The following SEPTIN9 variants were observed in gnomAD, a reference collection of about 807,000 sequenced individuals.
SEPTIN9 encodes septin 9, also known as septin-9.
SEPTIN9 carries 13 observed loss-of-function variants against 56.6 expected under a neutral mutation model. The observed-to-expected ratio is 0.23, with a 90% confidence interval of 0.15 to 0.37. The LOEUF is 0.37. SEPTIN9 is among the 10% of genes least tolerant of loss of function. The pLI, the probability that SEPTIN9 is intolerant of heterozygous loss-of-function variation, is 1.00. For missense variants in SEPTIN9, 650 were observed against 823.1 expected (o/e 0.79, Z 2.57); for synonymous variants, 332 against 334.1 (o/e 0.99, Z 0.07).
chr17:77,435,238 C>A lies in SEPTIN9; in HGVS notation c.721+32535C>A, dbSNP rs897802125. On this transcript the variant is annotated intron_variant, in intron 3 of 11. Coordinates refer to ENST00000427177, the MANE Select transcript of SEPTIN9 (RefSeq NM_001113491.2). This position sits in a 1 kb window ranked among gnomAD's most constrained non-coding sequence, Gnocchi z 4.5. ...AAGTCTGGCTTCAGTGCCCCCATCCCTAACCACTGTCATTTACCTCTTCGG... is the reference window on the plus strand; with the variant it reads ...AAGTCTGGCTTCAGTGCCCCCATCCATAACCACTGTCATTTACCTCTTCGG... 2.0e-5 allele frequency among the ~76,000 whole-genome samples: 3 copies of A among 152,166 alleles called. No homozygotes were observed. The highest frequency in any genetic ancestry group is 4.4e-5 in the Non-Finnish European group (3 of 68,018).
chr17:77,340,874 A>C (rs1012931696), intron 2 of SEPTIN9, among the ~76,000 whole-genome samples: 21 of 152,276 alleles, frequency 1.4e-4, no homozygotes, highest in African/African-American at 4.3e-4. Context: ...CTTTCCTTAA[A>C]CTTCATGACC....
At chr17:77,356,089 A>G (rs2034227502) in intron 2 of SEPTIN9, among the ~76,000 whole-genome samples, 1 of 152,006 alleles carries the variant, frequency 6.6e-6, no homozygotes, top group Admixed American at 6.6e-5. Flanking sequence ...CTAGACCCGG[A>G]CATAAACGCC....
At chr17:77,301,633 G>C (rs962028858) in intron 1 of SEPTIN9, among the ~76,000 whole-genome samples, 4 of 152,028 alleles carry the variant, frequency 2.6e-5, no homozygotes, top group Middle Eastern at 3.2e-3. Flanking sequence ...GGCTGATCTC[G>C]AACTCCGGAC....
In SEPTIN9 at chr17:77,330,720, G is replaced by A. The variant is rs572615085; in HGVS notation, c.76+23523G>A. Among the ~76,000 whole-genome samples the A allele has an allele frequency of 1.3e-5, 2 of 152,360 alleles. No homozygotes were observed. The highest frequency in any genetic ancestry group is 4.1e-4 in the South Asian group (2 of 4,826). ...AGAGCACATGGCTTGACCATCACGGGGACTGGGGGAGAGGCACAGGCATGC... is the reference window on the plus strand; with the variant it reads ...AGAGCACATGGCTTGACCATCACGGAGACTGGGGGAGAGGCACAGGCATGC... On this transcript the variant is annotated intron_variant, in intron 2 of 11. Transcript: ENST00000427177. The surrounding 1 kb of genome is among the most constrained non-coding windows in gnomAD (Gnocchi z 4.4).
intron 3 of SEPTIN9, chr17:77,472,689 T>C (rs913716902): frequency 2.0e-5 from 3 of 152,242 alleles, no homozygotes; most frequent in African/African-American, 7.2e-5. Flanking sequence ...GCCATTGTGC[T>C]CGATTTCTAA....
rs770711665 is a variant in SEPTIN9 at position 77,429,304 on chromosome 17, C to T, written c.721+26601C>T. ...GTGCCGATGCCGTCAGCACGCAGGC[C>T]TCCTGCCCTCGCCACGACTGGCTCC... On this transcript the variant is annotated intron_variant, in intron 3 of 11. Transcript: ENST00000427177. This position sits in a 1 kb window ranked among gnomAD's most constrained non-coding sequence, Gnocchi z 5.2. The T allele has an allele frequency of 7.0e-5, 33 of 470,480 alleles. 2 individuals are homozygous for T. Among genetic ancestry groups the T allele is most frequent in the South Asian group, 5.1e-4 (33 of 64,540 alleles). 29.1% of individuals were successfully genotyped at this position (470,480 alleles called of 1,614,324 possible).
chr17:77,481,401 G>T (rs1413645292), intron 3 of SEPTIN9, among the ~76,000 whole-genome samples: 1 of 127,670 alleles, frequency 7.8e-6, no homozygotes, highest in Non-Finnish European at 1.7e-5. Flanking sequence ...TGTGGTGCAG[G>T]GGCCCCCCTC....
intron 2 of SEPTIN9, among the ~76,000 whole-genome samples, chr17:77,352,941 G>A (rs1334094818): frequency 6.6e-6 from 1 of 152,150 alleles, no homozygotes; most frequent in Non-Finnish European, 1.5e-5. Context: ...GAGCTGCTGT[G>A]CCCAGCCTAC....
At position 77,476,468 on chromosome 17, in the gene SEPTIN9, T is replaced by C. The variant is rs1164420544; in HGVS notation, c.722-5676T>C. Among the ~76,000 whole-genome samples, 2 of 152,236 alleles carry C rather than the reference T, an allele frequency of 1.3e-5. No individual in the cohort carries two copies. The highest frequency in any genetic ancestry group is 4.8e-5 in the African/African-American group (2 of 41,452). On this transcript the variant is annotated intron_variant, in intron 3 of 11. Coordinates refer to ENST00000427177, the MANE Select transcript of SEPTIN9 (RefSeq NM_001113491.2). This position sits in a 1 kb window ranked among gnomAD's most constrained non-coding sequence, Gnocchi z 6.0. ...AAGAATTTGTCACTAAGTGCAGATG[T>C]TCCCAGAGGGTGCTGGCTCAGGGCT...
intron 1 of SEPTIN9, chr17:77,287,902 C>A (rs1483373869): frequency 5.8e-6 from 6 of 1,038,750 alleles, no homozygotes; most frequent in Non-Finnish European, 5.8e-6. Flanking sequence ...CTGGGCGGCC[C>A]TTAGACCCAG....
chr17:77,425,327 T>C lies in SEPTIN9; in HGVS notation c.721+22624T>C, dbSNP rs2036863293. Among the ~76,000 whole-genome samples the C allele has an allele frequency of 6.6e-6, 1 of 152,088 alleles. No individual in the cohort carries two copies. The highest frequency in any genetic ancestry group is 6.5e-5 in the Admixed American group (1 of 15,280). ...TTGCAAGCTGGACTCCCCAGATCTG[T>C]GGCTGTGGGGCCCTCTCCTGCCTGC... On this transcript the variant is annotated intron_variant, in intron 3 of 11. Coordinates refer to ENST00000427177, the MANE Select transcript of SEPTIN9 (RefSeq NM_001113491.2). The surrounding 1 kb of genome is among the most constrained non-coding windows in gnomAD (Gnocchi z 4.2).
rs1455623659 is a variant in SEPTIN9 at position 77,433,958 on chromosome 17, TC to T, written c.721+31258del. Among the ~76,000 whole-genome samples the T allele has an allele frequency of 6.6e-5, 10 of 152,184 alleles. No homozygotes were observed. The highest frequency in any genetic ancestry group is 9.7e-5 in the African/African-American group (4 of 41,440). The stretch of plus-strand genomic sequence containing the variant: ...TGGGGCCTCCCCCGATCGGGGGACT[TC>T]CCAGCACAGAGCTTTCTGGCCTCTG... On this transcript the variant is annotated intron_variant, in intron 3 of 11. Coordinates refer to ENST00000427177, the MANE Select transcript of SEPTIN9 (RefSeq NM_001113491.2). This position sits in a 1 kb window ranked among gnomAD's most constrained non-coding sequence, Gnocchi z 6.4.
chr17:77,381,544 T>G (rs1437488960), intron 2 of SEPTIN9, among the ~76,000 whole-genome samples: 1 of 152,258 alleles, frequency 6.6e-6, no homozygotes, highest in Non-Finnish European at 1.5e-5. Flanking sequence ...TTATCTACAG[T>G]AAGAGCATAC....
At position 77,492,570 on chromosome 17, in the gene SEPTIN9, G is replaced by T; in HGVS notation, c.1381-51G>T. 6.6e-7 allele frequency: 1 copy of T among 1,523,482 alleles called. No homozygotes were observed. Among genetic ancestry groups the T allele is most frequent in the South Asian group, 1.1e-5 (1 of 89,340 alleles). 94.4% of individuals were successfully genotyped at this position (1,523,482 alleles called of 1,614,324 possible). On this transcript the variant is annotated intron_variant, in intron 8 of 11. Transcript: ENST00000427177. The surrounding 1 kb of genome is among the most constrained non-coding windows in gnomAD (Gnocchi z 5.4). The stretch of plus-strand genomic sequence containing the variant: ...GGTCATGTGGCAAACACCAGTGGGT[G>T]GGTAGAGCTTGCCACAGGGATGGGC...
At chr17:77,311,506 A>G (rs2043611) in intron 2 of SEPTIN9, among the ~76,000 whole-genome samples, 134,468 of 152,212 alleles carry the variant, frequency 0.88, 59,538 homozygotes, top group East Asian at 0.99. Flanking sequence ...TGTGGGGGCA[A>G]GGCCTGGGCT....
At chr17:77,290,296 T>C (rs141117011) in intron 1 of SEPTIN9, among the ~76,000 whole-genome samples, 44,954 of 149,266 alleles carry the variant, frequency 0.3, 7,338 homozygotes, top group African/African-American at 0.43. Context: ...CTCGCTCTGT[T>C]GCCCAGGCTG....
intron 3 of SEPTIN9, among the ~76,000 whole-genome samples, chr17:77,410,741 A>G (rs910176536): frequency 2.6e-5 from 4 of 152,216 alleles, no homozygotes; most frequent in Non-Finnish European, 4.4e-5. Context: ...AAAAGCCAAC[A>G]CAACCCTTAC....
chr17:77,394,871 G>A (rs2035653281), intron 2 of SEPTIN9, among the ~76,000 whole-genome samples: 1 of 152,204 alleles, frequency 6.6e-6, no homozygotes, highest in South Asian at 2.1e-4. Context: ...TGGGCCTGGA[G>A]GGGAAAGTTT....
chr17:77,415,207 G>A (rs552460866), intron 3 of SEPTIN9, among the ~76,000 whole-genome samples: 2 of 152,200 alleles, frequency 1.3e-5, no homozygotes, highest in Non-Finnish European at 2.9e-5. Flanking sequence ...AGGTGGAGGC[G>A]GCTGGAGCGG....
Sources: allele counts gnomAD v4.1 joint callset (sites outside exome capture counted in the v4.1 genomes callset), GRCh38; gene constraint gnomAD v4.1.1; non-coding constraint Gnocchi (gnomAD v3.1); transcripts MANE v1.5; gene names NCBI Gene and HGNC (gene_info 2026-07-23, HGNC 2026-07-21).